The following CCDC3 variants were observed in gnomAD, a reference collection of about 807,000 sequenced individuals.
CCDC3 encodes coiled-coil domain containing 3.
CCDC3 carries 24 observed loss-of-function variants against 21.4 expected under a neutral mutation model. The observed-to-expected ratio is 1.12, with a 90% CI of 0.81 to 1.58. CCDC3 has a LOEUF of 1.58. CCDC3 is among the 40% of genes most tolerant of loss of function. The pLI is 0.00. For missense variants in CCDC3, 425 were observed against 360.9 expected (o/e 1.18, Z -1.44); for synonymous variants, 186 against 166.0 (o/e 1.12, Z -0.93).
intron 2 of CCDC3, among the ~76,000 whole-genome samples, chr10:12,952,004 T>C (rs902181731): frequency 6.6e-5 from 10 of 152,040 alleles, no homozygotes; most frequent in Non-Finnish European, 1.3e-4. Flanking sequence ...TCTGGTATCT[T>C]CACCATAGGC....
Position 12,993,741 on chromosome 10 carries a change from G to A in CCDC3, c.549+4597C>T, listed in dbSNP as rs147160246. ...CACCATGACACCGAACCAGAGAGGC[G>A]GTGAACACGTACTAACACTGCTGAC... On this transcript the variant is annotated intron_variant, in intron 2 of 2. Transcript: ENST00000378825. 2.8e-4 allele frequency among the ~76,000 whole-genome samples: 42 copies of A among 152,224 alleles called. No homozygotes were observed. In the East Asian group the frequency reaches 3.7e-3, roughly 13 times the overall value.
chr10:12,924,864 C>G (rs1250673930), intron 2 of CCDC3: 2 of 152,128 alleles, frequency 1.3e-5, no homozygotes. Flanking sequence ...CAATTTGGGT[C>G]TCATGAGCTT....
chr10:12,948,942 A>G (rs2131246201), intron 2 of CCDC3, among the ~76,000 whole-genome samples: 1 of 152,080 alleles, frequency 6.6e-6, no homozygotes, highest in African/African-American at 2.4e-5. Flanking sequence ...CGTGTTAGCC[A>G]GGATGGTCTT....
At chr10:12,903,415 CT>C (rs1834123501) in intron 2 of CCDC3, among the ~76,000 whole-genome samples, 1 of 152,124 alleles carries the variant, frequency 6.6e-6, no homozygotes, top group Non-Finnish European at 1.5e-5. Flanking sequence ...TTTAAAACTG[CT>C]TTAAAAAGAA....
At chr10:12,957,818 G>A (rs1188156581) in intron 2 of CCDC3, among the ~76,000 whole-genome samples, 3 of 152,142 alleles carry the variant, frequency 2.0e-5, no homozygotes, top group African/African-American at 7.2e-5. Flanking sequence ...GTTGAACCGT[G>A]AGCCAGTTAA....
At chr10:13,064,012 C>T (rs1836794214) in intron 4 of CCDC3, among the ~76,000 whole-genome samples, 1 of 152,080 alleles carries the variant, frequency 6.6e-6, no homozygotes, top group Non-Finnish European at 1.5e-5. Flanking sequence ...ACTGCAACCT[C>T]CGCCTCCCTG....
At chr10:13,008,498 C>T (rs182414731) in intron 5 of CCDC3, among the ~76,000 whole-genome samples, 1 of 152,250 alleles carries the variant, frequency 6.6e-6, no homozygotes, top group East Asian at 1.9e-4. Flanking sequence ...AATAGTTACA[C>T]ACAAGAGGTT....
chr10:13,011,177 T>C (rs937830780), intron 5 of CCDC3, among the ~76,000 whole-genome samples: 19 of 99,614 alleles, frequency 1.9e-4, no homozygotes, highest in African/African-American at 6.4e-4. Flanking sequence ...TGAGACTCTG[T>C]CTCAGAAGAA....
intron 2 of CCDC3, among the ~76,000 whole-genome samples, chr10:12,938,125 C>T (rs1386192715): frequency 6.6e-6 from 1 of 152,214 alleles, no homozygotes; most frequent in Non-Finnish European, 1.5e-5. Flanking sequence ...CCTTGTCCCT[C>T]AGCCTTTAGG....
intron 2 of CCDC3, among the ~76,000 whole-genome samples, chr10:12,917,307 C>A (rs1037147796): frequency 6.6e-6 from 1 of 150,590 alleles, no homozygotes; most frequent in African/African-American, 2.5e-5. Context: ...CATTCTCCTG[C>A]CTCAGCCTCC....
intron 2 of CCDC3, among the ~76,000 whole-genome samples, chr10:12,952,012 G>C (rs139826824): frequency 7.9e-5 from 12 of 152,072 alleles, no homozygotes; most frequent in Admixed American, 7.9e-4. Flanking sequence ...CTTCACCATA[G>C]GCCACGAGTA....
chr10:12,980,959 T>C (rs951706679), intron 2 of CCDC3, among the ~76,000 whole-genome samples: 16 of 152,298 alleles, frequency 1.1e-4, no homozygotes, highest in African/African-American at 3.8e-4. Context: ...ACCCTAGCAT[T>C]GGTTACTTCA....
chr10:12,963,287 T>A (rs530477641), intron 2 of CCDC3, among the ~76,000 whole-genome samples: 1 of 152,322 alleles, frequency 6.6e-6, no homozygotes, highest in East Asian at 1.9e-4. Flanking sequence ...CTTAACCTTG[T>A]TGACCTTTAC....
intron 2 of CCDC3, among the ~76,000 whole-genome samples, chr10:12,984,435 C>T (rs1564309115): frequency 6.6e-6 from 1 of 152,176 alleles, no homozygotes; most frequent in Non-Finnish European, 1.5e-5. Context: ...AAAGAAATTG[C>T]AACCCTCATA....
chr10:12,969,818 C>T (rs1482491696), intron 2 of CCDC3, among the ~76,000 whole-genome samples: 3 of 149,052 alleles, frequency 2.0e-5, no homozygotes, highest in Non-Finnish European at 4.4e-5. Context: ...ATGGATGAAC[C>T]TGGAGGAAAT....
At chr10:12,936,626 CA>C (rs1301445767) in intron 2 of CCDC3, among the ~76,000 whole-genome samples, 1 of 152,248 alleles carries the variant, frequency 6.6e-6, no homozygotes, top group Non-Finnish European at 1.5e-5. Context: ...TCTGGTTGAA[CA>C]GTTCCTCCTA....
At position 12,904,066 on chromosome 10, in the gene CCDC3, C is replaced by G. The variant is rs567030632; in HGVS notation, c.550-5387G>C. ...TTCCCCTTTTCATTTTATCATGATTCTTTTCCAGTCATCGGTCTGTACACT... is the reference window on the plus strand; with the variant it reads ...TTCCCCTTTTCATTTTATCATGATTGTTTTCCAGTCATCGGTCTGTACACT... On this transcript the variant is annotated intron_variant, in intron 2 of 2. Coordinates refer to ENST00000378825, the MANE Select transcript of CCDC3 (RefSeq NM_031455.4). Among the ~76,000 whole-genome samples the G allele has an allele frequency of 2.6e-5, 4 of 152,152 alleles. No homozygotes were observed. In the South Asian group the frequency reaches 8.3e-4, roughly 32 times the overall value.
chr10:13,084,282 C>CT (rs1315323800), intron 3 of CCDC3, among the ~76,000 whole-genome samples: 9 of 91,434 alleles, frequency 9.8e-5, no homozygotes, highest in Admixed American at 4.2e-4. Context: ...ACCTTCTTTT[C>CT]TTTTCTTTTT....
chr10:13,053,700 A>G (rs1836642161), intron 4 of CCDC3, among the ~76,000 whole-genome samples: 1 of 152,228 alleles, frequency 6.6e-6, no homozygotes, highest in Non-Finnish European at 1.5e-5. Flanking sequence ...TTTGTCACTT[A>G]AAACCTGAGC....
Sources: allele counts gnomAD v4.1 joint callset (sites outside exome capture counted in the v4.1 genomes callset), GRCh38; gene constraint gnomAD v4.1.1; transcripts MANE v1.5; gene names NCBI Gene and HGNC (gene_info 2026-07-23, HGNC 2026-07-21).